GRM7: variants seen among roughly 807,000 people sequenced by gnomAD.
GRM7 encodes the protein metabotropic glutamate receptor 7.
GRM7 carries 35 observed loss-of-function variants against 84.5 expected under a neutral mutation model. The ratio of observed to expected loss-of-function variants is 0.41; its 90% CI spans 0.32 to 0.55. The LOEUF (loss-of-function observed/expected upper bound fraction) is 0.55, where lower values mean the gene tolerates loss of function less well. GRM7 is among the 20% of genes least tolerant of loss of function. The probability of loss-of-function intolerance (pLI) is 0.19; values close to 1 mark genes in which losing one functional copy is unlikely to be tolerated. For missense variants in GRM7, 1,003 were observed against 1,194.6 expected, an observed-to-expected ratio of 0.84 and a Z score of 2.36; for synonymous variants, 487 against 455.1, an observed-to-expected ratio of 1.07 and a Z score of -0.89.
intron 2 of GRM7, among the ~76,000 whole-genome samples, chr3:7,218,738 A>G (rs1346172736): frequency 6.6e-6 from 1 of 151,742 alleles, no homozygotes; most frequent in Non-Finnish European, 1.5e-5. Flanking sequence ...CTACATTTCT[A>G]TTTCATTGTC....
intron 2 of GRM7, among the ~76,000 whole-genome samples, chr3:7,241,472 A>G (rs545452361): frequency 5.9e-5 from 9 of 152,334 alleles, no homozygotes; most frequent in African/African-American, 1.4e-4. Context: ...TTAAAAATAT[A>G]TAAAATAATT....
At chr3:7,491,891 G>A (rs1699531672) in intron 7 of GRM7, among the ~76,000 whole-genome samples, 1 of 152,122 alleles carries the variant, frequency 6.6e-6, no homozygotes. Flanking sequence ...AACAGAACAT[G>A]CCCTTTTCCA....
intron 8 of GRM7, among the ~76,000 whole-genome samples, chr3:7,621,944 T>A (rs1348515292): frequency 6.6e-6 from 1 of 152,172 alleles, no homozygotes; most frequent in South Asian, 2.1e-4. Context: ...TAAATTCTAC[T>A]TGTGAATCTG....
intron 4 of GRM7, among the ~76,000 whole-genome samples, chr3:7,399,210 AAT>A (rs1695344699): frequency 2.7e-5 from 4 of 150,124 alleles, no homozygotes; most frequent in African/African-American, 7.3e-5. Context: ...TAATAATAAT[AAT>A]AAAATGTCCT....
chr3:7,280,025 T>C (rs41511046), intron 2 of GRM7, among the ~76,000 whole-genome samples: 6,659 of 152,284 alleles, frequency 0.044, 329 homozygotes, highest in African/African-American at 0.12. Flanking sequence ...TTGCCAGTGT[T>C]ATTTCCAGTG....
intron 8 of GRM7, among the ~76,000 whole-genome samples, chr3:7,586,560 C>A (rs1004447116): frequency 6.6e-6 from 1 of 152,162 alleles, no homozygotes; most frequent in Non-Finnish European, 1.5e-5. Flanking sequence ...GTAATTCCAG[C>A]ACTTCGGGAG....
chr3:7,164,311 A>G (rs1694731849), intron 2 of GRM7, among the ~76,000 whole-genome samples: 2 of 152,220 alleles, frequency 1.3e-5, no homozygotes, highest in Admixed American at 1.3e-4. Context: ...GTGAGCCAAG[A>G]TCACGCCACT....
chr3:7,643,341 A>C (rs1347018782), intron 8 of GRM7, among the ~76,000 whole-genome samples: 1 of 152,062 alleles, frequency 6.6e-6, no homozygotes, highest in East Asian at 1.9e-4. Flanking sequence ...CAAAAAAAAC[A>C]AAACAGGGCA....
At chr3:7,052,563 A>G (rs1000350086) in intron 1 of GRM7, among the ~76,000 whole-genome samples, 5 of 150,986 alleles carry the variant, frequency 3.3e-5, no homozygotes, top group Non-Finnish European at 7.4e-5. Flanking sequence ...ACCTCCATAT[A>G]CACACACAGA....
chr3:7,035,452 G>A (rs1696353082), intron 1 of GRM7, among the ~76,000 whole-genome samples: 1 of 152,082 alleles, frequency 6.6e-6, no homozygotes, highest in African/African-American at 2.4e-5. Context: ...GAGCAAGACT[G>A]AAATTTTAAA....
At chr3:7,242,390 G>A (rs917987312) in intron 2 of GRM7, among the ~76,000 whole-genome samples, 1 of 152,116 alleles carries the variant, frequency 6.6e-6, no homozygotes, top group Admixed American at 6.6e-5. Flanking sequence ...CTTTAAATTG[G>A]CAGAGCTGGA....
intron 4 of GRM7, among the ~76,000 whole-genome samples, chr3:7,387,588 A>C (rs545143993): frequency 6.6e-6 from 1 of 152,244 alleles, no homozygotes; most frequent in African/African-American, 2.4e-5. Flanking sequence ...TCAAAGATCA[A>C]TTAGTTGTAG....
intron 9 of GRM7, among the ~76,000 whole-genome samples, chr3:7,730,100 G>C (rs55710453): frequency 5.5e-5 from 8 of 145,968 alleles, no homozygotes; most frequent in East Asian, 2.3e-4. Context: ...GTTTCGATCT[G>C]TTGACCTTAT....
chr3:6,959,967 C>T lies in GRM7; in HGVS notation c.519+98060C>T, dbSNP rs908516349. 6.6e-5 allele frequency among the ~76,000 whole-genome samples: 10 copies of T among 152,132 alleles called. 1 individual carries two copies. The highest frequency in any genetic ancestry group is 1.2e-4 in the Non-Finnish European group (8 of 68,030). On this transcript the variant is annotated intron_variant, in intron 1 of 9. Coordinates refer to ENST00000357716, the MANE Select transcript of GRM7 (RefSeq NM_000844.4). ...CTGTAGCACCAGAAAAGAGGCTGAA[C>T]ATCTAAAAACTGGAGGAGGTCAGAC...
chr3:7,461,803 T>TTGTTTAATGTTTCTTGTTTAA, intron 7 of GRM7, 81 bp downstream of exon 7: 1 of 1,358,342 alleles, frequency 7.4e-7, no homozygotes, highest in Non-Finnish European at 1.0e-6. Flanking sequence ...CAAATGTTTC[T>TTGTTTAATGTTTCTTGTTTAA]TGTTTAATGT....
rs572312106 is a variant in GRM7 at position 6,968,288 on chromosome 3, G to A, written c.519+106381G>A. 2.6e-5 allele frequency among the ~76,000 whole-genome samples: 4 copies of A among 152,180 alleles called. No homozygotes were observed. The East Asian group carries it at 7.7e-4, about 29-fold the overall frequency. On this transcript the variant is annotated intron_variant, in intron 1 of 9. Coordinates refer to ENST00000357716, the MANE Select transcript of GRM7 (RefSeq NM_000844.4). ...TTCCTCTGTGCCTGTCTGTCTCTGTGTCGAAATTTCTTCTTATTATGAGAA... is the reference window on the plus strand; with the variant it reads ...TTCCTCTGTGCCTGTCTGTCTCTGTATCGAAATTTCTTCTTATTATGAGAA...
intron 8 of GRM7, among the ~76,000 whole-genome samples, chr3:7,623,995 G>A (rs979079849): frequency 2.6e-5 from 4 of 152,078 alleles, no homozygotes; most frequent in Non-Finnish European, 4.4e-5. Context: ...AGTGTCATAT[G>A]GTACAATGGA....
chr3:6,905,218 G>A (rs1173423198), intron 1 of GRM7, among the ~76,000 whole-genome samples: 1 of 152,116 alleles, frequency 6.6e-6, no homozygotes, highest in African/African-American at 2.4e-5. Context: ...GATATTATTA[G>A]TGTTACGTTG....
chr3:7,632,894 C>T (rs900653498), intron 8 of GRM7, among the ~76,000 whole-genome samples: 1 of 152,166 alleles, frequency 6.6e-6, no homozygotes, highest in Non-Finnish European at 1.5e-5. Flanking sequence ...CAAAGAATCC[C>T]TTCAATGGAA....
Sources: allele counts gnomAD v4.1 joint callset (sites outside exome capture counted in the v4.1 genomes callset), GRCh38; gene constraint gnomAD v4.1.1; transcripts MANE v1.5; gene names NCBI Gene and HGNC (gene_info 2026-07-23, HGNC 2026-07-21).